The following ZNF142 variants were observed in gnomAD, a reference collection of about 807,000 sequenced individuals.
ZNF142 encodes zinc finger protein 142.
ZNF142 carries 96 observed loss-of-function variants against 132.1 expected under a neutral mutation model. The observed-to-expected ratio is 0.73, with a 90% CI of 0.62 to 0.86. ZNF142 has a LOEUF of 0.86. Ranked by LOEUF, ZNF142 falls within the 40% of genes least tolerant of loss-of-function variation. The probability of loss-of-function intolerance (pLI) is 0.00; values close to 1 mark genes in which losing one functional copy is unlikely to be tolerated. For synonymous variants in ZNF142, 842 were observed against 890.1 expected (o/e 0.95, Z 0.96); for missense variants, 2,163 against 2,336.2 (o/e 0.93, Z 1.53).
At position 218,643,704 on chromosome 2, in the gene ZNF142, G is replaced by A. The variant is rs1170231907; in HGVS notation, c.3412C>T (p.Pro1138Ser). ...GGAAGCTCCAAAGGAGCATCTTTTG[G>A]AAGCAGTAGCTCTGCTTCTTGTGAT... ...PASQEAELLL[P>S]KDAPLELPRE... The change falls in exon 9 of 11, where the codon CCA becomes TCA. Residue 1138 changes from proline to serine, a missense_variant. By Grantham distance (74) the Pro-to-Ser change is moderately conservative. Around this residue, in one of 7 missense-constraint regions of ZNF142, gnomAD observed 809 missense variants for 801.7 expected, o/e 1.01. Transcript: ENST00000411696. The A allele has an allele frequency of 1.3e-5, 20 of 1,586,876 alleles. No individual in the cohort carries two copies. The Admixed American group carries it at 3.7e-4, about 30-fold the overall frequency.
chr2:218,642,995 C>T lies in ZNF142; in HGVS notation c.4121G>A (p.Gly1374Glu). Residue 1374 changes from glycine to glutamate, a missense_variant, in exon 9 of 11, where the codon GGG (glycine) becomes GAG (glutamate). Physicochemically the swap from Gly to Glu is moderately conservative, Grantham distance 98. Transcript: ENST00000411696. The surrounding 1 kb of genome is among the most constrained non-coding windows in gnomAD (Gnocchi z 4.6). The part of the protein sequence containing the change: ...ARGPRPHLQC[G>E]DCGFTCKQSR... ...CTGTTTACAGGTGAAGCCACAGTCC[C>T]CACACTGTAGATGGGGCCGGGGCCC... 6.2e-7 allele frequency: 1 copy of T among 1,611,876 alleles called. No homozygotes were observed. Among genetic ancestry groups the T allele is most frequent in the Non-Finnish European group, 8.5e-7 (1 of 1,179,024 alleles).
intron 5 of ZNF142, among the ~76,000 whole-genome samples, 183 bp downstream of exon 5, chr2:218,651,518 C>T (rs1437027226): frequency 6.6e-6 from 1 of 152,242 alleles, no homozygotes; most frequent in Non-Finnish European, 1.5e-5. Context: ...TCCTCTTTGT[C>T]CCATATATTC....
At chr2:218,654,783 T>TA (rs35995886) in intron 4 of ZNF142, among the ~76,000 whole-genome samples, 8,378 of 148,142 alleles carry the variant, frequency 0.057, 638 homozygotes, top group African/African-American at 0.19. Context: ...TTTTCCCATT[T>TA]AAAAAAAAAA....
chr2:218,636,992 C>T lies in ZNF142; in HGVS notation c.*1347G>A. The T allele has an allele frequency of 2.2e-6, 1 of 447,478 alleles. No homozygotes were observed. Among genetic ancestry groups the T allele is most frequent in the Middle Eastern group, 3.3e-4 (1 of 3,032 alleles). The allele number at this position is 447,478 out of a possible 1,614,324, so 27.7% of individuals were successfully genotyped here. A position where few individuals can be genotyped will look rare whatever the true frequency, so the allele number is the denominator to read the frequency against. Reference sequence around the variant, plus strand: ...GCATCATCCCCTCCATCCCCAACTTCCTCAAAGCCCAAAGCCAAGGGAAGG... The same window carrying T: ...GCATCATCCCCTCCATCCCCAACTTTCTCAAAGCCCAAAGCCAAGGGAAGG... On this transcript the variant is annotated 3_prime_UTR_variant, in exon 11 of 11. Coordinates refer to ENST00000411696, the MANE Select transcript of ZNF142 (RefSeq NM_001379659.1).
chr2:218,647,620 G>A (rs369724217), intron 7 of ZNF142, among the ~76,000 whole-genome samples: 12 of 152,128 alleles, frequency 7.9e-5, no homozygotes, highest in African/African-American at 2.9e-4. Flanking sequence ...TTGGTATAAA[G>A]ATTATATGAA....
At position 218,638,566 on chromosome 2, in the gene ZNF142, G is replaced by A. The variant is rs776650467; in HGVS notation, c.5437C>T (p.Leu1813Phe). 4.3e-6 allele frequency: 7 copies of A among 1,612,118 alleles called. No individual in the cohort carries two copies. Among genetic ancestry groups the A allele is most frequent in the Non-Finnish European group, 5.1e-6 (6 of 1,178,538 alleles). ...AAGGGGTGGCGGTCGGTGTGGGTGA[G>A]GGCATGATGGCGCAGGCCAGCAGCC... ...RWAAGLRHHALTHTDRHPFFC... is the reference protein window; with the variant it reads ...RWAAGLRHHAFTHTDRHPFFC... The change falls in exon 11 of 11, where the codon CTC becomes TTC. Residue 1813 changes from leucine (L) to phenylalanine (F), a missense_variant. By Grantham distance (22) the Leu-to-Phe change is conservative. Transcript: ENST00000411696.
intron 10 of ZNF142, among the ~76,000 whole-genome samples, chr2:218,639,878 A>AC (rs1392957088): frequency 2.1e-4 from 32 of 150,688 alleles, no homozygotes; most frequent in Non-Finnish European, 4.3e-4. Flanking sequence ...ACACGGTGAA[A>AC]CCCCCATCTC....
rs1697301508 is a variant in ZNF142, at chr2:218,642,524, G to A, written c.4592C>T (p.Ser1531Phe). The A allele has an allele frequency of 1.9e-6, 3 of 1,609,182 alleles. No individual in the cohort carries two copies. Among genetic ancestry groups the A allele is most frequent in the South Asian group, 2.2e-5 (2 of 90,754 alleles). The change falls in exon 9 of 11, where the codon TCC (serine) becomes TTC (phenylalanine). Residue 1531 changes from serine (S) to phenylalanine (F), a missense_variant. By Grantham distance (155) the Ser-to-Phe change is radical. Coordinates refer to ENST00000411696, the MANE Select transcript of ZNF142 (RefSeq NM_001379659.1). This position sits in a 1 kb window ranked among gnomAD's most constrained non-coding sequence, Gnocchi z 4.6. ...GCTGGGGCACAGCAACCCACAGCGG[G>A]AACAGTGCAGGGGGCCCTCAGTGGT... is the stretch of plus-strand genomic sequence containing the variant. The part of the protein sequence containing the change: ...AETTEGPLHC[S>F]RCGLLCPSPA...
intron 4 of ZNF142, among the ~76,000 whole-genome samples, chr2:218,653,082 CA>C (rs1424420062): frequency 6.6e-6 from 1 of 152,018 alleles, no homozygotes; most frequent in East Asian, 1.9e-4. Context: ...AGATCGAGAC[CA>C]TCCTGGCTAA....
intron 10 of ZNF142, among the ~76,000 whole-genome samples, chr2:218,639,689 A>C (rs1479437771): frequency 7.1e-6 from 1 of 140,016 alleles, no homozygotes; most frequent in African/African-American, 2.6e-5. Context: ...CTATGACTGC[A>C]CCACTGCACT....
In ZNF142 at chr2:218,651,794, T is replaced by A. The variant is rs1373363022; in HGVS notation, c.787A>T (p.Lys263Ter). The change falls in exon 5 of 11, where the codon AAA becomes TAA. Residue 263 changes from lysine (K) to a stop codon, truncating the protein, a stop_gained. Transcript: ENST00000411696. LOFTEE classifies it high-confidence loss of function. ...CTCCGCTGATGCTGCCGGAAGAGTTTGACGTTGGAGCCTATGAAGCTGCAG... is the reference window on the plus strand; with the variant it reads ...CTCCGCTGATGCTGCCGGAAGAGTTAGACGTTGGAGCCTATGAAGCTGCAG... Reference protein sequence around the residue: ...SHCSFIGSNVKLFRQHQRSHG... With the variant: ...SHCSFIGSNV The A allele has an allele frequency of 4.7e-6, 6 of 1,289,872 alleles. No individual in the cohort carries two copies. The South Asian group carries it at 6.2e-5, about 13-fold the overall frequency. 79.9% of individuals were successfully genotyped at this position (1,289,872 alleles called of 1,614,324 possible).
At chr2:218,656,534 C>A in intron 3 of ZNF142, 71 bp from the exon 4 acceptor site, 2 of 1,210,112 alleles carry the variant, frequency 1.7e-6, no homozygotes, top group Non-Finnish European at 2.2e-6. Context: ...GGCGTGGGTA[C>A]ACAGCCCAGT....
intron 7 of ZNF142, among the ~76,000 whole-genome samples, chr2:218,647,746 G>C (rs1030565698): frequency 3.3e-5 from 5 of 152,116 alleles, no homozygotes; most frequent in Non-Finnish European, 5.9e-5. Context: ...ACCCCTCCTT[G>C]TTGTCCCTGC....
chr2:218,636,641 T>C lies in ZNF142; in HGVS notation c.*1698A>G. 6.6e-7 allele frequency: 1 copy of C among 1,504,342 alleles called. No individual in the cohort carries two copies. The highest frequency in any genetic ancestry group is 1.9e-5 in the Admixed American group (1 of 53,630). 93.2% of individuals were successfully genotyped at this position (1,504,342 alleles called of 1,614,324 possible). ...AGACGGGGAGAAACATCTGGAAGGA[T>C]GCTCGAGAGAACAAATGGAGGTGGT... On this transcript the variant is annotated 3_prime_UTR_variant, in exon 11 of 11. Coordinates refer to ENST00000411696, the MANE Select transcript of ZNF142 (RefSeq NM_001379659.1).
chr2:218,654,147 T>C (rs1289190982), intron 4 of ZNF142, among the ~76,000 whole-genome samples: 1 of 152,178 alleles, frequency 6.6e-6, no homozygotes, highest in Non-Finnish European at 1.5e-5. Context: ...CACCCCTATA[T>C]ATCCTCATCC....
intron 8 of ZNF142, 45 bp from the exon 9 acceptor site, chr2:218,645,109 A>G: frequency 6.3e-7 from 1 of 1,584,518 alleles, no homozygotes; most frequent in Non-Finnish European, 8.6e-7. Context: ...AATTAATCAC[A>G]ACAACTAAGA....
chr2:218,650,470 G>A lies in ZNF142; in HGVS notation c.937C>T (p.Pro313Ser), dbSNP rs1032667879. ...TCCTCTTCAGCTGTCTCCTGCCCAG[G>A]CAAGGGTGTACCTGCTTCCTGTGAA... Reference protein sequence around the residue: ...EPSQEAGTPLPGQETAEEENV... With the variant: ...EPSQEAGTPLSGQETAEEENV... The change falls in exon 6 of 11, where the codon CCT (proline) becomes TCT (serine). Residue 313 changes from proline (P) to serine (S), a missense_variant. By Grantham distance (74) the Pro-to-Ser change is moderately conservative. Coordinates refer to ENST00000411696, the MANE Select transcript of ZNF142 (RefSeq NM_001379659.1). 2 of 1,613,474 alleles carry A rather than the reference G, an allele frequency of 1.2e-6. No individual in the cohort carries two copies. Among genetic ancestry groups the A allele is most frequent in the East Asian group, 2.2e-5 (1 of 44,870 alleles).
rs781637838 is a variant in ZNF142 at position 218,642,933 on chromosome 2, C to T, written c.4183G>A (p.Glu1395Lys). The change falls in exon 9 of 11, where the codon GAG becomes AAG. Residue 1395 changes from glutamate (E) to lysine (K), a missense_variant. Around this residue, in one of 7 missense-constraint regions of ZNF142, gnomAD observed 809 missense variants for 801.7 expected, o/e 1.01. Transcript: ENST00000411696. This position sits in a 1 kb window ranked among gnomAD's most constrained non-coding sequence, Gnocchi z 4.6. ...CMQQHRRLKH[E>K]GVKPHQCPFC... is the part of the protein sequence containing the mutation. ...GGGCACTGATGGGGCTTCACCCCCT[C>T]GTGCTTGAGCCGCCGGTGCTGCTGC... The T allele has an allele frequency of 1.2e-5, 19 of 1,613,510 alleles. No homozygotes were observed. The highest frequency in any genetic ancestry group is 6.7e-5 in the East Asian group (3 of 44,898).
At position 218,636,760 on chromosome 2, in the gene ZNF142, C is replaced by A; in HGVS notation, c.*1579G>T. On this transcript the variant is annotated 3_prime_UTR_variant, in exon 11 of 11. Transcript: ENST00000411696. ...GGACCTGATTTTCCACCTTTTTTCTCTTTTCTTCCCTTCCTTTGTTTTCAT... is the reference window on the plus strand; with the variant it reads ...GGACCTGATTTTCCACCTTTTTTCTATTTTCTTCCCTTCCTTTGTTTTCAT... 1 of 680,136 alleles carries A rather than the reference C, an allele frequency of 1.5e-6. No individual in the cohort carries two copies. Among genetic ancestry groups the A allele is most frequent in the Admixed American group, 2.5e-5 (1 of 39,948 alleles). 42.1% of individuals were successfully genotyped at this position (680,136 alleles called of 1,614,324 possible). A position where few individuals can be genotyped will look rare whatever the true frequency, so the allele number is the denominator to read the frequency against.
Sources: allele counts gnomAD v4.1 joint callset (sites outside exome capture counted in the v4.1 genomes callset), GRCh38; gene constraint gnomAD v4.1.1; regional missense constraint gnomAD v4.1.1; non-coding constraint Gnocchi (gnomAD v3.1); transcripts MANE v1.5; gene names NCBI Gene and HGNC (gene_info 2026-07-23, HGNC 2026-07-21).